The following TMEM26 variants were observed in gnomAD, a reference collection of about 807,000 sequenced individuals.
The protein encoded by TMEM26 is transmembrane protein 26.
Under a neutral mutation model 28.8 loss-of-function variants are expected in TMEM26, and 38 were observed. The observed-to-expected ratio is 1.32, with a 90% CI of 1.02 to 1.73. TMEM26 has a LOEUF of 1.73. Ranked by LOEUF, TMEM26 falls within the 40% of genes most tolerant of loss-of-function variation. TMEM26 has a pLI of 0.00. For missense variants in TMEM26, 518 were observed against 447.1 expected, an observed-to-expected ratio of 1.16 and a Z score of -1.43; for synonymous variants, 227 against 182.9, an observed-to-expected ratio of 1.24 and a Z score of -1.95.
intron 4 of TMEM26, among the ~76,000 whole-genome samples, chr10:61,415,505 G>A (rs1378762796): frequency 6.6e-6 from 1 of 151,976 alleles, no homozygotes; most frequent in African/African-American, 2.4e-5. Flanking sequence ...TTAACTCTAT[G>A]ATCACACTTA....
Position 61,410,524 on chromosome 10 carries a change from T to C in TMEM26, c.905A>G (p.Tyr302Cys), listed in dbSNP as rs780875218. 1 of 1,614,028 alleles carries C rather than the reference T, an allele frequency of 6.2e-7. No individual in the cohort carries two copies. Among genetic ancestry groups the C allele is most frequent in the Admixed American group, 1.7e-5 (1 of 60,020 alleles). ...KNFLVVVLQL[Y>C]RLVVLALAVR... Reference sequence around the variant, plus strand: ...TGCCAATGCCAGCACCACCAAGCGGTAGAGTTGCAACACCACCACGAGGAA... The same window carrying C: ...TGCCAATGCCAGCACCACCAAGCGGCAGAGTTGCAACACCACCACGAGGAA... Residue 302 changes from tyrosine (Y) to cysteine (C), a missense_variant, in exon 6 of 6, where the codon TAC (tyrosine) becomes TGC (cysteine). Transcript: ENST00000399298.
intron 3 of TMEM26, among the ~76,000 whole-genome samples, chr10:61,430,238 C>T (rs892498372): frequency 6.6e-6 from 1 of 151,900 alleles, no homozygotes; most frequent in Non-Finnish European, 1.5e-5. Context: ...TGAATTAGAA[C>T]CCAAGGTTCA....
chr10:61,449,782 T>C (rs373034107), intron 1 of TMEM26, among the ~76,000 whole-genome samples: 8 of 152,298 alleles, frequency 5.3e-5, no homozygotes, highest in African/African-American at 1.9e-4. Flanking sequence ...TGGAAGGTTT[T>C]TTTTTCCTTT....
intron 1 of TMEM26, among the ~76,000 whole-genome samples, chr10:61,451,986 G>GATATATATATATAT (rs10555555): frequency 6.7e-6 from 1 of 148,704 alleles, no homozygotes. Context: ...TTAATGTATT[G>GATATATATATATAT]ATATATATAT....
chr10:61,425,333 ACAGC>A (rs1441506804), intron 4 of TMEM26, among the ~76,000 whole-genome samples: 1 of 152,208 alleles, frequency 6.6e-6, no homozygotes. Context: ...GGGCAGGGAC[ACAGC>A]CAAACCATAT....
chr10:61,416,150 T>G, intron 4 of TMEM26: 1 of 441,834 alleles, frequency 2.3e-6, no homozygotes. Flanking sequence ...TGAGGATATT[T>G]TCACAAGGTT....
intron 1 of TMEM26, among the ~76,000 whole-genome samples, chr10:61,439,680 C>T (rs563093153): frequency 2.6e-5 from 4 of 152,288 alleles, no homozygotes; most frequent in African/African-American, 7.2e-5. Context: ...AACTGAATGT[C>T]CTCATCTGTA....
Position 61,453,065 on chromosome 10 carries a change from A to C in TMEM26, c.17T>G (p.Phe6Cys). MEGLV[F>C]LNALATRLLF... is the part of the protein sequence containing the mutation. ...CAACCGAGTGGCCAGGGCGTTAAGGAAGACCAGTCCCTCCATGCTGGCCGG... is the reference window on the plus strand; with the variant it reads ...CAACCGAGTGGCCAGGGCGTTAAGGCAGACCAGTCCCTCCATGCTGGCCGG... Residue 6 changes from phenylalanine (F) to cysteine (C), a missense_variant, in exon 1 of 6, where the codon TTC (phenylalanine) becomes TGC (cysteine). By Grantham distance (205) the Phe-to-Cys change is radical (BLOSUM62 -2). Coordinates refer to ENST00000399298, the MANE Select transcript of TMEM26 (RefSeq NM_178505.8). 1 of 1,613,228 alleles carries C rather than the reference A, an allele frequency of 6.2e-7. No homozygotes were observed. Among genetic ancestry groups the C allele is most frequent in the Non-Finnish European group, 8.5e-7 (1 of 1,179,876 alleles).
chr10:61,419,511 G>T (rs1352045670), intron 4 of TMEM26, among the ~76,000 whole-genome samples: 1 of 150,890 alleles, frequency 6.6e-6, no homozygotes, highest in Non-Finnish European at 1.5e-5. Context: ...CTCTAGAATT[G>T]AAAATATGCA....
chr10:61,432,323 C>A (rs1034432951), intron 2 of TMEM26, among the ~76,000 whole-genome samples: 1 of 152,082 alleles, frequency 6.6e-6, no homozygotes, highest in African/African-American at 2.4e-5. Context: ...AATTCAACAA[C>A]AGACATGAAA....
intron 4 of TMEM26, among the ~76,000 whole-genome samples, chr10:61,424,794 A>G (rs1322302267): frequency 6.6e-6 from 1 of 152,200 alleles, no homozygotes; most frequent in Non-Finnish European, 1.5e-5. Context: ...GATTTTTGAC[A>G]AAGATGCTAA....
chr10:61,426,037 A>T (rs1288042806), intron 4 of TMEM26, among the ~76,000 whole-genome samples: 6 of 152,172 alleles, frequency 3.9e-5, no homozygotes, highest in African/African-American at 1.4e-4. Context: ...GAAGTTATCC[A>T]CATGTACATC....
intron 1 of TMEM26, among the ~76,000 whole-genome samples, chr10:61,439,484 G>A (rs1054643468): frequency 4.6e-5 from 7 of 152,304 alleles, no homozygotes; most frequent in South Asian, 4.1e-4. Context: ...AGTCAATAGA[G>A]ACTACTGATA....
At chr10:61,437,129 T>C (rs1840020868) in intron 1 of TMEM26, among the ~76,000 whole-genome samples, 1 of 152,194 alleles carries the variant, frequency 6.6e-6, no homozygotes, top group Admixed American at 6.5e-5. Flanking sequence ...TCCTGACACG[T>C]AGACAGTGCC....
At chr10:61,447,960 T>G (rs1278960007) in intron 1 of TMEM26, among the ~76,000 whole-genome samples, 1 of 152,274 alleles carries the variant, frequency 6.6e-6, no homozygotes, top group Non-Finnish European at 1.5e-5. Flanking sequence ...TACTCACATC[T>G]TTATTTTCTA....
intron 4 of TMEM26, chr10:61,414,508 T>C (rs1839618682): frequency 6.6e-6 from 1 of 152,016 alleles, no homozygotes; most frequent in Non-Finnish European, 1.5e-5. Context: ...CAAAATTAAA[T>C]CTCAAAACTC....
At chr10:61,431,787 T>C (rs1196157225) in intron 2 of TMEM26, among the ~76,000 whole-genome samples, 1 of 151,966 alleles carries the variant, frequency 6.6e-6, no homozygotes, top group Non-Finnish European at 1.5e-5. Context: ...CATGGGTAAA[T>C]GGCATGTTGT....
chr10:61,450,862 T>G (rs79100947), intron 1 of TMEM26, among the ~76,000 whole-genome samples: 17,764 of 152,220 alleles, frequency 0.12, 1,222 homozygotes, highest in East Asian at 0.21. Flanking sequence ...GTGTGCCTAG[T>G]TGATACAATA....
chr10:61,416,001 C>T (rs546096552), intron 4 of TMEM26: 52 of 402,750 alleles, frequency 1.3e-4, no homozygotes, highest in Middle Eastern at 3.6e-4. Context: ...TCAGTTGCAC[C>T]TGTGAGAATT....
Sources: gnomAD v4.1 joint callset for allele counts (sites outside exome capture counted in the v4.1 genomes callset) on GRCh38, gnomAD v4.1.1 for gene constraint, MANE v1.5 for transcripts, NCBI Gene and HGNC (gene_info 2026-07-23, HGNC 2026-07-21) for gene names.